Variants in NSUN4 observed in about 807,000 individuals in gnomAD.
NSUN4 encodes the protein NOP2/Sun RNA methyltransferase 4.
Under a neutral mutation model 43.8 loss-of-function variants are expected in NSUN4, and 31 were observed. The observed-to-expected ratio is 0.71, with a 90% CI of 0.53 to 0.96. NSUN4 has a LOEUF of 0.96. NSUN4 is among the 40% of genes least tolerant of loss of function. The probability of loss-of-function intolerance (pLI) is 0.00; values close to 1 mark genes in which losing one functional copy is unlikely to be tolerated. For missense variants in NSUN4, 439 were observed against 475.6 expected (o/e 0.92, Z 0.72); for synonymous variants, 167 against 184.1 (o/e 0.91, Z 0.75).
intron 4 of NSUN4, among the ~76,000 whole-genome samples, chr1:46,359,544 C>T (rs927946968): frequency 9.0e-5 from 13 of 143,892 alleles, no homozygotes; most frequent in Admixed American, 2.1e-4. Flanking sequence ...CCACCACGCC[C>T]GGCTAAATTT....
At chr1:46,360,407 T>A (rs1186637318) in intron 4 of NSUN4, among the ~76,000 whole-genome samples, 1 of 148,564 alleles carries the variant, frequency 6.7e-6, no homozygotes, top group East Asian at 2.0e-4. Flanking sequence ...TACTCCAGTC[T>A]GGGCAACAGA....
the NSUN4 span, among the ~76,000 whole-genome samples, chr1:46,370,220 TTC>T: frequency 2.6e-5 from 4 of 152,196 alleles, no homozygotes; most frequent in African/African-American, 2.4e-5. Flanking sequence ...ACTAGGACTG[TTC>T]TGAGGCAGGG....
Position 46,364,801 on chromosome 1 carries a change from T to G in NSUN4, c.*2955T>G, listed in dbSNP as rs1486232629. On this transcript the variant is annotated 3_prime_UTR_variant, in exon 6 of 6. Coordinates refer to ENST00000474844, the MANE Select transcript of NSUN4 (RefSeq NM_199044.4). ...CATGGCCAGAGCAACATAAAAGCCC[T>G]GCTGGGAACTTCTGATTTGAGCTCT... 6.6e-6 allele frequency: 1 copy of G among 152,262 alleles called. No homozygotes were observed. Among genetic ancestry groups the G allele is most frequent in the Non-Finnish European group, 1.5e-5 (1 of 68,052 alleles). 9.4% of individuals were successfully genotyped at this position (152,262 alleles called of 1,614,324 possible). A position where few individuals can be genotyped will look rare whatever the true frequency, so the allele number is the denominator to read the frequency against.
chr1:46,356,290 C>T (rs56363851), intron 4 of NSUN4, among the ~76,000 whole-genome samples: 34,131 of 152,122 alleles, frequency 0.22, 4,305 homozygotes, highest in Non-Finnish European at 0.29. Flanking sequence ...AAGCTGGTCT[C>T]GAATTCCTGA....
the NSUN4 span, among the ~76,000 whole-genome samples, chr1:46,374,685 G>A: frequency 6.6e-6 from 1 of 152,092 alleles, no homozygotes; most frequent in Non-Finnish European, 1.5e-5. Context: ...TGACAATATT[G>A]TATTCTTGAA....
chr1:46,376,572 T>C, the NSUN4 span, among the ~76,000 whole-genome samples: 2 of 151,354 alleles, frequency 1.3e-5, no homozygotes, highest in African/African-American at 4.9e-5. Context: ...TCTGTCTCTC[T>C]AAAAAAAAAT....
In NSUN4 at chr1:46,362,327, A is replaced by G. The variant is rs1266181640; in HGVS notation, c.*481A>G. Reference sequence around the variant, plus strand: ...CAGTCTTGAGCAGCCAACAGGCTCAATTAAGCCCGCCTGGTTTTTCCATAT... The same window carrying G: ...CAGTCTTGAGCAGCCAACAGGCTCAGTTAAGCCCGCCTGGTTTTTCCATAT... On this transcript the variant is annotated 3_prime_UTR_variant, in exon 6 of 6. Coordinates refer to ENST00000474844, the MANE Select transcript of NSUN4 (RefSeq NM_199044.4). 6.4e-6 allele frequency: 1 copy of G among 156,216 alleles called. No homozygotes were observed. Among genetic ancestry groups the G allele is most frequent in the Non-Finnish European group, 1.4e-5 (1 of 70,666 alleles). 9.7% of individuals were successfully genotyped at this position (156,216 alleles called of 1,614,324 possible). A position where few individuals can be genotyped will look rare whatever the true frequency, so the allele number is the denominator to read the frequency against.
chr1:46,361,554 C>T lies in NSUN4; in HGVS notation c.879-16C>T. The T allele has an allele frequency of 6.2e-7, 1 of 1,610,962 alleles. No individual in the cohort carries two copies. The highest frequency in any genetic ancestry group is 8.5e-7 in the Non-Finnish European group (1 of 1,177,992). ...GAAGCTCACTAGTAACTGCTTCTGT[C>T]TCTTTCTGGTTTCAGGGCTGGACTC... On this transcript the variant is annotated splice_polypyrimidine_tract_variant and intron_variant, in intron 5 of 5. Coordinates refer to ENST00000474844, the MANE Select transcript of NSUN4 (RefSeq NM_199044.4).
At chr1:46,349,307 T>G (rs1309378752) in intron 3 of NSUN4, among the ~76,000 whole-genome samples, 5 of 151,548 alleles carry the variant, frequency 3.3e-5, no homozygotes, top group Admixed American at 6.6e-5. Context: ...GCCCGGCTAA[T>G]TTTTTTGTAT....
At chr1:46,366,662 C>A (rs897969247), downstream of NSUN4, among the ~76,000 whole-genome samples, 2 of 127,408 alleles carry the variant, frequency 1.6e-5, no homozygotes, top group Non-Finnish European at 3.1e-5. Context: ...AGTTCGAGAC[C>A]AGGCTGGCCA....
chr1:46,346,408 T>G (rs1407225335), intron 2 of NSUN4, among the ~76,000 whole-genome samples: 3 of 151,546 alleles, frequency 2.0e-5, no homozygotes, highest in Non-Finnish European at 4.4e-5. Context: ...AAAAATTAGC[T>G]GGGCATGGTG....
chr1:46,360,085 C>T (rs943477335), intron 4 of NSUN4, among the ~76,000 whole-genome samples: 3 of 150,002 alleles, frequency 2.0e-5, no homozygotes, highest in South Asian at 4.3e-4. Context: ...AAAAATTAGC[C>T]GGGCATGGTG....
chr1:46,381,677 G>C, the NSUN4 span, among the ~76,000 whole-genome samples: 1 of 152,188 alleles, frequency 6.6e-6, no homozygotes, highest in Non-Finnish European at 1.5e-5. Flanking sequence ...TTGAGAAGGA[G>C]AGAGGGTCTG....
At chr1:46,343,209 T>A in intron 1 of NSUN4, 1 of 378,118 alleles carries the variant, frequency 2.6e-6, no homozygotes, top group East Asian at 4.3e-5. Flanking sequence ...TGTGCCCCTG[T>A]GTGACACCTA....
chr1:46,355,595 C>CATT (rs754582263), intron 4 of NSUN4, among the ~76,000 whole-genome samples: 1 of 152,080 alleles, frequency 6.6e-6, no homozygotes, highest in East Asian at 1.9e-4. Context: ...CAATCCTTAC[C>CATT]ATTATTATTA....
chr1:46,372,307 G>T, the NSUN4 span, among the ~76,000 whole-genome samples: 1 of 150,170 alleles, frequency 6.7e-6, no homozygotes, highest in African/African-American at 2.4e-5. Flanking sequence ...CGCCCGGCTG[G>T]TTTTTTTTTG....
intron 1 of NSUN4, chr1:46,343,279 C>G: frequency 2.5e-6 from 1 of 399,830 alleles, no homozygotes. Flanking sequence ...CCTTGTTCTA[C>G]CCACATCTAT....
At chr1:46,360,388 A>G (rs928104578) in intron 4 of NSUN4, among the ~76,000 whole-genome samples, 4 of 148,812 alleles carry the variant, frequency 2.7e-5, no homozygotes, top group African/African-American at 9.9e-5. Flanking sequence ...ACCTATGATC[A>G]CATCACTGTA....
At chr1:46,375,511 CT>C in the NSUN4 span, among the ~76,000 whole-genome samples, 4 of 150,236 alleles carry the variant, frequency 2.7e-5, no homozygotes, top group African/African-American at 7.4e-5. Context: ...AGGCGAGAGT[CT>C]TTTTTGAGCC....
Sources: allele counts gnomAD v4.1 joint callset (sites outside exome capture counted in the v4.1 genomes callset), GRCh38; gene constraint gnomAD v4.1.1; transcripts MANE v1.5; gene names NCBI Gene and HGNC (gene_info 2026-07-23, HGNC 2026-07-21).